The following THG1L variants were observed in gnomAD, a reference collection of about 807,000 sequenced individuals.
THG1L encodes the protein probable tRNA(His) guanylyltransferase.
THG1L carries 27 observed loss-of-function variants against 35.2 expected under a neutral mutation model. The ratio of observed to expected loss-of-function variants is 0.77; its 90% CI spans 0.57 to 1.06. The LOEUF (loss-of-function observed/expected upper bound fraction) is 1.06. Ranked by LOEUF, THG1L falls within the 50% of genes least tolerant of loss-of-function variation. The pLI, the probability that THG1L is intolerant of heterozygous loss-of-function variation, is 0.00. For synonymous variants in THG1L, 135 were observed against 132.4 expected, an observed-to-expected ratio of 1.02 and a Z score of -0.14; for missense variants, 377 against 371.8, an observed-to-expected ratio of 1.01 and a Z score of -0.12.
chr5:157,732,256 A>T (rs888623918), intron 1 of THG1L, among the ~76,000 whole-genome samples: 8 of 138,306 alleles, frequency 5.8e-5, no homozygotes, highest in Non-Finnish European at 1.2e-4. Context: ...AGAGAGAGAG[A>T]GAGAAAGAAG....
chr5:157,732,244 AGAG>A (rs1361985641), intron 1 of THG1L, among the ~76,000 whole-genome samples: 29 of 70,774 alleles, frequency 4.1e-4, no homozygotes, highest in Non-Finnish European at 6.3e-4. Flanking sequence ...AAAAAAAAAA[AGAG>A]AGAGAGAGAG....
rs571436596 is a variant in THG1L at position 157,735,864 on chromosome 5, A to G, written c.557A>G (p.Tyr186Cys). Residue 186 changes from tyrosine to cysteine, a missense_variant, in exon 4 of 6, where the codon TAT becomes TGT. By Grantham distance (194) the Tyr-to-Cys change is radical. Transcript: ENST00000231198. ...RQADCHINNL[Y>C]NTVFWALIQQ... ...CTCACAGGTCACATCAATAATCTTT[A>G]TAATACAGTTTTCTGGGCACTTATA... is the stretch of plus-strand genomic sequence containing the variant. 6.2e-7 allele frequency: 1 copy of G among 1,603,610 alleles called. No homozygotes were observed. The highest frequency in any genetic ancestry group is 2.2e-5 in the East Asian group (1 of 44,772).
rs1189452331 is a variant in THG1L, at chr5:157,733,106, T to G, written c.368+62T>G. The G allele has an allele frequency of 2.5e-6, 4 of 1,584,736 alleles. No individual in the cohort carries two copies. In the Admixed American group the frequency reaches 6.8e-5, roughly 27 times the overall value. The stretch of plus-strand genomic sequence containing the variant: ...TCCTCCCAGCATCTGGTTTTCTGTT[T>G]ATCTTAATCGCAGACTTACAGGCTA... On this transcript the variant is annotated intron_variant, in intron 2 of 5. Coordinates refer to ENST00000231198, the MANE Select transcript of THG1L (RefSeq NM_017872.5).
chr5:157,734,009 A>T (rs1368646925), intron 2 of THG1L, among the ~76,000 whole-genome samples: 2 of 152,222 alleles, frequency 1.3e-5, no homozygotes, highest in African/African-American at 4.8e-5. Context: ...CCCTTGAATC[A>T]TAAATTCGTA....
At chr5:157,733,087 C>T (rs1760772630) in intron 2 of THG1L, 43 bp downstream of exon 2, 3 of 1,600,452 alleles carry the variant, frequency 1.9e-6, no homozygotes, top group African/African-American at 2.7e-5. Flanking sequence ...TATTTCCTCC[C>T]AGCATCTGGT....
chr5:157,738,589 GTTTTTTTT>G, intron 5 of THG1L: 1 of 374,462 alleles, frequency 2.7e-6, no homozygotes, highest in South Asian at 1.9e-5. Flanking sequence ...AAGTTTTTTT[GTTTTTTTT>G]TTTTCTGAAA....
chr5:157,740,464 A>G lies in THG1L; in HGVS notation c.*982A>G, dbSNP rs6877391. The G allele has an allele frequency of 0.35, 53,780 of 152,152 alleles. 9,663 individuals carry two copies. The highest frequency in any genetic ancestry group is 0.54 in the East Asian group (2,810 of 5,168). 9.4% of individuals were successfully genotyped at this position (152,152 alleles called of 1,614,324 possible). On this transcript the variant is annotated 3_prime_UTR_variant, in exon 6 of 6. Coordinates refer to ENST00000231198, the MANE Select transcript of THG1L (RefSeq NM_017872.5). ...TTGGGTCAGTGGAGATGGGTGAGGA[A>G]CAGCACAGAGCAGCAGGGATCATCA...
Position 157,741,438 on chromosome 5 carries a change from T to A in THG1L, c.*1956T>A, listed in dbSNP as rs1761041300. ...CTCTTTGAGGAAAGAAATAAAGATGTCAACTCCTTTGGCCTGCTTTTTCAT... is the reference window on the plus strand; with the variant it reads ...CTCTTTGAGGAAAGAAATAAAGATGACAACTCCTTTGGCCTGCTTTTTCAT... On this transcript the variant is annotated 3_prime_UTR_variant, in exon 6 of 6. Transcript: ENST00000231198. 1 of 152,136 alleles carries A rather than the reference T, an allele frequency of 6.6e-6. No homozygotes were observed. Among genetic ancestry groups the A allele is most frequent in the Admixed American group, 6.5e-5 (1 of 15,272 alleles). The allele number at this position is 152,136 out of a possible 1,614,324, so 9.4% of individuals were successfully genotyped here. A position where few individuals can be genotyped will look rare whatever the true frequency, so the allele number is the denominator to read the frequency against.
chr5:157,735,283 T>A (rs1415596743), intron 3 of THG1L, among the ~76,000 whole-genome samples: 1 of 152,180 alleles, frequency 6.6e-6, no homozygotes, highest in Non-Finnish European at 1.5e-5. Context: ...CAATACTGGA[T>A]CTGCATTCTT....
At chr5:157,732,148 T>C (rs1221196904) in intron 1 of THG1L, among the ~76,000 whole-genome samples, 1 of 134,106 alleles carries the variant, frequency 7.5e-6, no homozygotes, top group African/African-American at 2.8e-5. Context: ...AGGCCAGGAG[T>C]TGGAGACCAA....
Position 157,731,468 on chromosome 5 carries a change from C to A in THG1L, c.28C>A (p.His10Asn). MWGACKVKVHDSLATISITL... is the reference protein window; with the variant it reads MWGACKVKVNDSLATISITL... ...GTGGGGCGCCTGTAAAGTTAAGGTTCACGATTCCTTGGCCACCATTTCCAT... is the reference window on the plus strand; with the variant it reads ...GTGGGGCGCCTGTAAAGTTAAGGTTAACGATTCCTTGGCCACCATTTCCAT... Residue 10 changes from histidine to asparagine, a missense_variant, in exon 1 of 6, where the codon CAC becomes AAC. Physicochemically the swap from His to Asn is moderately conservative, Grantham distance 68. Coordinates refer to ENST00000231198, the MANE Select transcript of THG1L (RefSeq NM_017872.5). 6.2e-7 allele frequency: 1 copy of A among 1,608,038 alleles called. No individual in the cohort carries two copies.
At chr5:157,735,979 C>G (rs377093336) in intron 4 of THG1L, 45 bp downstream of exon 4, 4 of 1,284,788 alleles carry the variant, frequency 3.1e-6, no homozygotes, top group Non-Finnish European at 4.4e-6. Flanking sequence ...GGACAGTTCG[C>G]TGTAGGCTCT....
At chr5:157,735,099 G>A (rs765515497) in intron 3 of THG1L, among the ~76,000 whole-genome samples, 12 of 151,770 alleles carry the variant, frequency 7.9e-5, no homozygotes, top group South Asian at 2.1e-4. Context: ...CACCACGCCC[G>A]GCTGATTCTG....
chr5:157,731,855 G>A (rs1407942651), intron 1 of THG1L, among the ~76,000 whole-genome samples: 2 of 152,250 alleles, frequency 1.3e-5, no homozygotes, highest in Non-Finnish European at 2.9e-5. Flanking sequence ...CCCGTGATGA[G>A]GATCTGGCTT....
chr5:157,739,373 A>G lies in THG1L; in HGVS notation c.788A>G (p.Lys263Arg). ...EIKLPTEMEG[K>R]KMAVTRTRTK... ...AAGCTGCCAACAGAAATGGAAGGAA[A>G]AAAGATGGCAGTGACCCGGACCAGG... The change falls in exon 6 of 6, where the codon AAA becomes AGA. Residue 263 changes from lysine to arginine, a missense_variant. Lys to Arg is a conservative substitution (Grantham distance 26, BLOSUM62 2). Coordinates refer to ENST00000231198, the MANE Select transcript of THG1L (RefSeq NM_017872.5). 2 of 1,613,942 alleles carry G rather than the reference A, an allele frequency of 1.2e-6. No individual in the cohort carries two copies. Among genetic ancestry groups the G allele is most frequent in the Admixed American group, 1.7e-5 (1 of 59,990 alleles).
In THG1L at chr5:157,732,995, T is replaced by C; in HGVS notation, c.319T>C (p.Tyr107His). Residue 107 changes from tyrosine to histidine, a missense_variant, in exon 2 of 6, where the codon TAC becomes CAC. Transcript: ENST00000231198. ...GATCGCGTATGGACAGAGTGATGAG[T>C]ACAGCTTTGTGTTCAAGCGGAAAAC... ...IVIAYGQSDE[Y>H]SFVFKRKTNW... The C allele has an allele frequency of 1.2e-6, 2 of 1,614,202 alleles. No individual in the cohort carries two copies. The highest frequency in any genetic ancestry group is 1.7e-6 in the Non-Finnish European group (2 of 1,180,022).
At chr5:157,731,871 G>T (rs1472569349) in intron 1 of THG1L, among the ~76,000 whole-genome samples, 1 of 152,246 alleles carries the variant, frequency 6.6e-6, no homozygotes, top group Non-Finnish European at 1.5e-5. Context: ...GGCTTGGAGT[G>T]CCCGTGTTAA....
At chr5:157,733,432 T>C (rs1196946280) in intron 2 of THG1L, among the ~76,000 whole-genome samples, 1 of 152,226 alleles carries the variant, frequency 6.6e-6, no homozygotes, top group Non-Finnish European at 1.5e-5. Flanking sequence ...AAATCTGATA[T>C]TTGATTTGGC....
rs1760978415 is a variant in THG1L, at chr5:157,739,462, A to T, written c.877A>T (p.Ile293Phe). Residue 293 changes from isoleucine to phenylalanine, a missense_variant, in exon 6 of 6, where the codon ATT (isoleucine) becomes TTT (phenylalanine). Coordinates refer to ENST00000231198, the MANE Select transcript of THG1L (RefSeq NM_017872.5). ...TGCTTTCTGGAAGGAACATCCAGAG[A>T]TTCTAGATGAAGACAGCTGACCCTT... The part of the protein sequence containing the change: ...GDAFWKEHPE[I>F]LDEDS 2 of 1,612,940 alleles carry T rather than the reference A, an allele frequency of 1.2e-6. No homozygotes were observed. Among genetic ancestry groups the T allele is most frequent in the South Asian group, 2.2e-5 (2 of 90,826 alleles).
Sources: allele counts gnomAD v4.1 joint callset (sites outside exome capture counted in the v4.1 genomes callset), GRCh38; gene constraint gnomAD v4.1.1; transcripts MANE v1.5; gene names NCBI Gene and HGNC (gene_info 2026-07-23, HGNC 2026-07-21).